Variants in AKAP13 observed in about 807,000 individuals in gnomAD.
AKAP13 encodes the protein A-kinase anchoring protein 13.
In AKAP13, 80 loss-of-function variants were observed where a neutral mutation model predicts 264.5. The ratio of observed to expected loss-of-function variants is 0.30; its 90% CI spans 0.25 to 0.36. AKAP13 has a LOEUF of 0.36. Ranked by LOEUF, AKAP13 falls within the 10% of genes least tolerant of loss-of-function variation. The probability of loss-of-function intolerance (pLI) is 1.00; values close to 1 mark genes in which losing one functional copy is unlikely to be tolerated. For missense variants in AKAP13, 3,712 were observed against 3,435.2 expected, an observed-to-expected ratio of 1.08 and a Z score of -2.01; for synonymous variants, 1,380 against 1,250.2, an observed-to-expected ratio of 1.10 and a Z score of -2.19.
chr15:85,687,186 G>A (rs1187970577), intron 16 of AKAP13, among the ~76,000 whole-genome samples: 1 of 151,834 alleles, frequency 6.6e-6, no homozygotes, highest in Non-Finnish European at 1.5e-5. Context: ...TTTACAAACT[G>A]AGGCACAGAG....
chr15:85,484,654 G>T (rs758744376), intron 1 of AKAP13, among the ~76,000 whole-genome samples: 4 of 152,150 alleles, frequency 2.6e-5, no homozygotes, highest in Non-Finnish European at 4.4e-5. Flanking sequence ...GTCTTGATCC[G>T]AGACATACAC....
intron 17 of AKAP13, among the ~76,000 whole-genome samples, chr15:85,695,585 G>A (rs975827467): frequency 6.6e-6 from 1 of 152,188 alleles, no homozygotes; most frequent in African/African-American, 2.4e-5. Flanking sequence ...ACACATTCAT[G>A]TAAAATGATT....
intron 19 of AKAP13, among the ~76,000 whole-genome samples, chr15:85,712,543 A>ATT (rs940624852): frequency 7.0e-6 from 1 of 143,552 alleles, no homozygotes; most frequent in Non-Finnish European, 1.5e-5. Context: ...CCCCACAAGT[A>ATT]TTTTTTTTTT....
At chr15:85,384,951 G>T (rs933263052) in intron 1 of AKAP13, among the ~76,000 whole-genome samples, 16 of 152,262 alleles carry the variant, frequency 1.1e-4, no homozygotes, top group African/African-American at 3.6e-4. Flanking sequence ...GCAATGCTGT[G>T]TTCAGTGCCT....
chr15:85,590,353 A>G (rs1351938040), intron 8 of AKAP13, among the ~76,000 whole-genome samples: 1 of 152,220 alleles, frequency 6.6e-6, no homozygotes, highest in Non-Finnish European at 1.5e-5. Flanking sequence ...GAGTGGCACT[A>G]CCAAGGATTT....
rs754028189 is a variant in AKAP13, at chr15:85,745,873, C to G, written c.*1196C>G. ...AGGAGGCCTTGGCAAAATTGGATTT[C>G]TTCAAAAATACATGTAAAGGTCTGT... On this transcript the variant is annotated 3_prime_UTR_variant, in exon 37 of 37. Transcript: ENST00000394518. 1 of 152,284 alleles carries G rather than the reference C, an allele frequency of 6.6e-6. No homozygotes were observed. Among genetic ancestry groups the G allele is most frequent in the Non-Finnish European group, 1.5e-5 (1 of 68,080 alleles). The allele number at this position is 152,284 out of a possible 1,614,324, so 9.4% of individuals were successfully genotyped here. A position where few individuals can be genotyped will look rare whatever the true frequency, so the allele number is the denominator to read the frequency against.
chr15:85,711,070 C>T (rs1455615920), intron 19 of AKAP13, among the ~76,000 whole-genome samples: 1 of 151,710 alleles, frequency 6.6e-6, no homozygotes, highest in Non-Finnish European at 1.5e-5. Context: ...GGCTGGAGTA[C>T]AATAGCACAA....
At chr15:85,598,142 T>A (rs192880796) in intron 8 of AKAP13, among the ~76,000 whole-genome samples, 183 of 152,320 alleles carry the variant, frequency 1.2e-3, no homozygotes, top group African/African-American at 4.2e-3. Context: ...GTGTTTATTT[T>A]TTCCCTTGAA....
At chr15:85,462,885 G>A (rs1024238740) in intron 1 of AKAP13, among the ~76,000 whole-genome samples, 2 of 150,276 alleles carry the variant, frequency 1.3e-5, no homozygotes, top group East Asian at 3.9e-4. Flanking sequence ...TTAGCCGGGC[G>A]TAGTGGCGGG....
chr15:85,438,884 T>G (rs1194465440), intron 1 of AKAP13, among the ~76,000 whole-genome samples: 3 of 148,498 alleles, frequency 2.0e-5, no homozygotes, highest in Non-Finnish European at 3.0e-5. Flanking sequence ...AACCTAGGCA[T>G]TACCATTCAG....
intron 12 of AKAP13, 87 bp from the exon 13 acceptor site, chr15:85,664,476 G>A: frequency 3.8e-6 from 5 of 1,321,074 alleles, no homozygotes; most frequent in Non-Finnish European, 5.2e-6. Flanking sequence ...ACACAAACAA[G>A]GGAGATATAC....
chr15:85,413,006 A>C (rs957435438), intron 1 of AKAP13, among the ~76,000 whole-genome samples: 1 of 152,210 alleles, frequency 6.6e-6, no homozygotes, highest in Admixed American at 6.5e-5. Flanking sequence ...TAAGTAGTAG[A>C]GCTAAGTTTT....
chr15:85,552,638 T>TA (rs796833196), intron 5 of AKAP13, among the ~76,000 whole-genome samples: 59 of 148,926 alleles, frequency 4.0e-4, no homozygotes, highest in African/African-American at 1.1e-3. Context: ...CTTTTTTTTT[T>TA]TTTTTTTGAG....
At chr15:85,644,262 C>T (rs1158250845) in intron 9 of AKAP13, among the ~76,000 whole-genome samples, 1 of 144,760 alleles carries the variant, frequency 6.9e-6, no homozygotes, top group Non-Finnish European at 1.5e-5. Context: ...AATGAAGTTG[C>T]TCTCTGTCAC....
chr15:85,682,178 A>T lies in AKAP13; in HGVS notation c.5122A>T (p.Thr1708Ser). The T allele has an allele frequency of 6.2e-7, 1 of 1,613,558 alleles. No homozygotes were observed. Among genetic ancestry groups the T allele is most frequent in the Non-Finnish European group, 8.5e-7 (1 of 1,179,954 alleles). ...TCTAGATTCACGGCCCTTCCACAGT[A>T]CCTTCCACAATACCAGTGCTAATCT... ...GLDNSRPFHS[T>S]FHNTSANLTE... is the part of the protein sequence containing the mutation. The change falls in exon 15 of 37, where the codon ACC becomes TCC. Residue 1708 changes from threonine to serine, a missense_variant. This residue lies in a region of AKAP13 where 2,759 missense variants were observed against 2,411.7 expected (regional missense o/e 1.14). Coordinates refer to ENST00000394518, the MANE Select transcript of AKAP13 (RefSeq NM_007200.5).
At chr15:85,703,329 G>T (rs1355839311) in intron 17 of AKAP13, among the ~76,000 whole-genome samples, 1 of 152,174 alleles carries the variant, frequency 6.6e-6, no homozygotes, top group African/African-American at 2.4e-5. Context: ...TTTTTAAGCA[G>T]AATACTTTCA....
chr15:85,656,862 C>T (rs431810), intron 11 of AKAP13, among the ~76,000 whole-genome samples: 21,650 of 152,142 alleles, frequency 0.14, 2,676 homozygotes, highest in East Asian at 0.36. Context: ...TATTCCAAAG[C>T]TACTTTGCTA....
At chr15:85,563,416 C>T (rs1018092240) in intron 5 of AKAP13, among the ~76,000 whole-genome samples, 2 of 142,098 alleles carry the variant, frequency 1.4e-5, no homozygotes, top group Non-Finnish European at 3.0e-5. Context: ...GTCTCTTCAA[C>T]GCTCACTATT....
intron 8 of AKAP13, among the ~76,000 whole-genome samples, chr15:85,630,674 T>C (rs1407236858): frequency 1.3e-5 from 2 of 152,108 alleles, no homozygotes; most frequent in East Asian, 3.8e-4. Context: ...CACACAATCT[T>C]CCTTTTCTAG....
Sources: gnomAD v4.1 joint callset for allele counts (sites outside exome capture counted in the v4.1 genomes callset) on GRCh38, gnomAD v4.1.1 for gene constraint, gnomAD v4.1.1 regional missense constraint, MANE v1.5 for transcripts, NCBI Gene and HGNC (gene_info 2026-07-23, HGNC 2026-07-21) for gene names.